The following ZBTB46 variants were observed in gnomAD, a reference collection of about 807,000 sequenced individuals.
ZBTB46 encodes the protein zinc finger and BTB domain containing 46.
ZBTB46 carries 8 observed loss-of-function variants against 44.1 expected under a neutral mutation model. The ratio of observed to expected loss-of-function variants is 0.18; its 90% confidence interval spans 0.11 to 0.33. ZBTB46 has a LOEUF of 0.33. Among genes scored for constraint, ZBTB46 ranks in the 10% least tolerant of loss-of-function variants. ZBTB46 has a pLI of 1.00. For missense variants in ZBTB46, 651 were observed against 847.7 expected (o/e 0.77, Z 2.88); for synonymous variants, 409 against 382.3 (o/e 1.07, Z -0.81).
chr20:63,816,725 TC>T (rs1234819959), intron 1 of ZBTB46, among the ~76,000 whole-genome samples: 1 of 152,110 alleles, frequency 6.6e-6, no homozygotes, highest in Non-Finnish European at 1.5e-5. Context: ...GGAAATAGGG[TC>T]TTTGCAAATA....
At chr20:63,806,748 A>G (rs1185087251) in intron 1 of ZBTB46, among the ~76,000 whole-genome samples, 1 of 151,268 alleles carries the variant, frequency 6.6e-6, no homozygotes, top group African/African-American at 2.4e-5. Context: ...AGCTGGGACT[A>G]CAGGCGCCCA....
intron 1 of ZBTB46, among the ~76,000 whole-genome samples, chr20:63,809,199 C>G (rs965541987): frequency 7.0e-6 from 1 of 142,250 alleles, no homozygotes. Context: ...GGTGCAGACT[C>G]GGTGGAGCCA....
At chr20:63,760,570 C>T (rs1335861562) in intron 3 of ZBTB46, among the ~76,000 whole-genome samples, 1 of 151,850 alleles carries the variant, frequency 6.6e-6, no homozygotes, top group East Asian at 1.9e-4. Context: ...GGTTCTCCTG[C>T]CTCAGCCTCC....
chr20:63,747,222 T>C lies in ZBTB46; in HGVS notation c.1478A>G (p.His493Arg). 6.3e-7 allele frequency: 1 copy of C among 1,598,044 alleles called. No homozygotes were observed. Among genetic ancestry groups the C allele is most frequent in the Non-Finnish European group, 8.5e-7 (1 of 1,172,372 alleles). Reference protein sequence around the residue: ...FMSAASVGIRHGSRRHGVCTD... With the variant: ...FMSAASVGIRRGSRRHGVCTD... ...GCACACACCGTGGCGCCTGGAGCCA[T>C]GCCTGATGCCCACGCTGGCGGCGGA... Residue 493 changes from histidine (H) to arginine (R), a missense_variant, in exon 5 of 5, where the codon CAT (histidine) becomes CGT (arginine). Physicochemically the swap from His to Arg is conservative, Grantham distance 29. This residue lies in a region of ZBTB46 where 75 missense variants were observed against 107.8 expected (regional missense o/e 0.70). Transcript: ENST00000245663.
chr20:63,793,328 C>T (rs2092576160), intron 1 of ZBTB46, among the ~76,000 whole-genome samples: 1 of 152,194 alleles, frequency 6.6e-6, no homozygotes, highest in African/African-American at 2.4e-5. Context: ...GACCGGAGAG[C>T]ATCTCAGAGC....
chr20:63,829,126 T>C (rs59585708), intron 1 of ZBTB46, among the ~76,000 whole-genome samples: 7,075 of 152,310 alleles, frequency 0.046, 534 homozygotes, highest in African/African-American at 0.16. Flanking sequence ...GTTTACCTCC[T>C]GACCTCTGTG....
chr20:63,809,008 A>G (rs1284039933), intron 1 of ZBTB46, among the ~76,000 whole-genome samples: 1 of 142,718 alleles, frequency 7.0e-6, no homozygotes, highest in Non-Finnish European at 1.5e-5. Context: ...AAGAAAAAGA[A>G]AAAAAAAAAA....
In ZBTB46 at chr20:63,826,365, T is replaced by A. The variant is rs185164206; in HGVS notation, c.-34+4732A>T. 3.7e-4 allele frequency among the ~76,000 whole-genome samples: 57 copies of A among 152,294 alleles called. No homozygotes were observed. In the East Asian group the frequency reaches 8.9e-3, roughly 24 times the overall value. ...GACTGAGTCGCTAGTAAGTCAGAGATGCTCAAAGAGAAACCAAGAGGAGCC... is the reference window on the plus strand; with the variant it reads ...GACTGAGTCGCTAGTAAGTCAGAGAAGCTCAAAGAGAAACCAAGAGGAGCC... On this transcript the variant is annotated intron_variant, in intron 1 of 4. Transcript: ENST00000245663.
rs1347724662 is a variant in ZBTB46, at chr20:63,777,958, T to G, written c.938-1996A>C. Among the ~76,000 whole-genome samples the G allele has an allele frequency of 2.0e-5, 3 of 152,324 alleles. No individual in the cohort carries two copies. The East Asian group carries it at 5.8e-4, about 29-fold the overall frequency. ...CAGACACAGAAGGCCACATGCCATT[T>G]CATTTCCATTAAATATCCAGAACAG... On this transcript the variant is annotated intron_variant, in intron 2 of 4. Coordinates refer to ENST00000245663, the MANE Select transcript of ZBTB46 (RefSeq NM_001369741.1).
At chr20:63,750,612 A>G (rs1024335118) in intron 4 of ZBTB46, among the ~76,000 whole-genome samples, 4 of 152,116 alleles carry the variant, frequency 2.6e-5, no homozygotes, top group African/African-American at 4.8e-5. Flanking sequence ...CAGGACAAAA[A>G]TCCCAGCCCT....
At chr20:63,751,612 T>A (rs2145762820) in intron 4 of ZBTB46, among the ~76,000 whole-genome samples, 1 of 151,610 alleles carries the variant, frequency 6.6e-6, no homozygotes, top group Middle Eastern at 3.4e-3. Flanking sequence ...TGGCGCTCGG[T>A]TCCGCCCCCC....
At chr20:63,753,191 G>C (rs1052587079) in intron 3 of ZBTB46, among the ~76,000 whole-genome samples, 1 of 152,218 alleles carries the variant, frequency 6.6e-6, no homozygotes, top group Non-Finnish European at 1.5e-5. Flanking sequence ...GGTCCCTGCA[G>C]GACCCTCCTT....
In ZBTB46 at chr20:63,794,296, A is replaced by G. The variant is rs142313575; in HGVS notation, c.-33-3506T>C. The stretch of plus-strand genomic sequence containing the variant: ...AGCCTCCAACTCCTGGGCTCAAGCA[A>G]TCCTCTTGCCTCAGCCACCCAAGTA... On this transcript the variant is annotated intron_variant, in intron 1 of 4. Transcript: ENST00000245663. Among the ~76,000 whole-genome samples, 449 of 152,238 alleles carry G rather than the reference A, an allele frequency of 2.9e-3. 3 individuals are homozygous for G. Among genetic ancestry groups the G allele is most frequent in the Non-Finnish European group, 4.8e-3 (329 of 68,014 alleles).
Position 63,752,757 on chromosome 20 carries a change from C to T in ZBTB46, c.1327G>A (p.Glu443Lys). The change falls in exon 4 of 5, where the codon GAG (glutamate) becomes AAG (lysine). Residue 443 changes from glutamate to lysine, a missense_variant. Coordinates refer to ENST00000245663, the MANE Select transcript of ZBTB46 (RefSeq NM_001369741.1). This position sits in a 1 kb window ranked among gnomAD's most constrained non-coding sequence, Gnocchi z 5.6. ...LKRHMRSHTG[E>K]RPYPCEICGK... ...CAGATCTCGCAGGGGTAGGGCCGCT[C>T]TCCCGTGTGCGAGCGCATGTGTCGC... 1 of 1,612,552 alleles carries T rather than the reference C, an allele frequency of 6.2e-7. No individual in the cohort carries two copies. Among genetic ancestry groups the T allele is most frequent in the Non-Finnish European group, 8.5e-7 (1 of 1,179,466 alleles).
chr20:63,815,060 C>G (rs1427413967), intron 1 of ZBTB46: 1 of 188,456 alleles, frequency 5.3e-6, no homozygotes, highest in Admixed American at 5.7e-5. Flanking sequence ...AGAGCAAGAC[C>G]CTGTCTCAAA....
chr20:63,749,536 C>T (rs1485363782), intron 4 of ZBTB46, among the ~76,000 whole-genome samples: 1 of 152,134 alleles, frequency 6.6e-6, no homozygotes, highest in Non-Finnish European at 1.5e-5. Flanking sequence ...CGGGGTTTCA[C>T]CGTGTTAGCC....
Position 63,803,918 on chromosome 20 carries a change from T to C in ZBTB46, c.-33-13128A>G, listed in dbSNP as rs2092665354. 6.6e-6 allele frequency among the ~76,000 whole-genome samples: 1 copy of C among 152,194 alleles called. No individual in the cohort carries two copies. Among genetic ancestry groups the C allele is most frequent in the South Asian group, 2.1e-4 (1 of 4,832 alleles). On this transcript the variant is annotated intron_variant, in intron 1 of 4. Transcript: ENST00000245663. This position sits in a 1 kb window ranked among gnomAD's most constrained non-coding sequence, Gnocchi z 4.0. ...CGGGGTTCTGTCGTGTTGCCCAGGT[T>C]GGTCTTGAATTCCTAAACGAACCTG...
chr20:63,807,966 C>A (rs1031775996), intron 1 of ZBTB46: 2 of 150,300 alleles, frequency 1.3e-5, no homozygotes, highest in Non-Finnish European at 2.9e-5. Context: ...AGGAGACACT[C>A]ACGGAAGCTG....
chr20:63,769,090 G>A (rs917038397), intron 3 of ZBTB46, among the ~76,000 whole-genome samples: 2 of 152,224 alleles, frequency 1.3e-5, no homozygotes, highest in Non-Finnish European at 2.9e-5. Flanking sequence ...TTGAGGGTGG[G>A]AGAGGAGGGC....
Sources: allele counts gnomAD v4.1 joint callset (sites outside exome capture counted in the v4.1 genomes callset), GRCh38; gene constraint gnomAD v4.1.1; regional missense constraint gnomAD v4.1.1; non-coding constraint Gnocchi (gnomAD v3.1); transcripts MANE v1.5; gene names NCBI Gene and HGNC (gene_info 2026-07-23, HGNC 2026-07-21).